Variants in MALRD1 observed in about 807,000 individuals in gnomAD.
MALRD1 encodes the protein MAM and LDL receptor class A domain containing 1, also known as MAM and LDL-receptor class A domain-containing protein 1.
A neutral mutation model predicts 242.1 loss-of-function variants in MALRD1; 247 were observed. That is an observed-to-expected ratio of 1.02 (90% CI 0.92 to 1.13). The LOEUF is 1.13. MALRD1 is among the 50% of genes most tolerant of loss of function. The probability of loss-of-function intolerance (pLI) is 0.00; values close to 1 mark genes in which losing one functional copy is unlikely to be tolerated. For synonymous variants in MALRD1, 995 were observed against 866.6 expected, an observed-to-expected ratio of 1.15 and a Z score of -2.60; for missense variants, 2,989 against 2,533.1, an observed-to-expected ratio of 1.18 and a Z score of -3.86.
intron 34 of MALRD1, among the ~76,000 whole-genome samples, chr10:19,599,456 A>G (rs1295079321): frequency 6.6e-6 from 1 of 152,148 alleles, no homozygotes; most frequent in Non-Finnish European, 1.5e-5. Context: ...AAAGAAAAGA[A>G]AAAGAAAAAG....
intron 28 of MALRD1, among the ~76,000 whole-genome samples, chr10:19,428,167 G>A (rs185282022): frequency 6.6e-6 from 1 of 151,750 alleles, no homozygotes; most frequent in African/African-American, 2.4e-5. Flanking sequence ...GGGAGGTGAG[G>A]CGTTGGCAAT....
intron 36 of MALRD1, among the ~76,000 whole-genome samples, chr10:19,676,894 C>T (rs761713899): frequency 2.6e-5 from 4 of 152,176 alleles, no homozygotes; most frequent in Non-Finnish European, 4.4e-5. Context: ...TCAGCTTCCA[C>T]TTATAAGTGA....
intron 31 of MALRD1, among the ~76,000 whole-genome samples, chr10:19,515,377 T>G (rs1192923582): frequency 6.6e-6 from 1 of 152,100 alleles, no homozygotes; most frequent in Non-Finnish European, 1.5e-5. Context: ...ATAGTACACT[T>G]TTTTTGGTAT....
chr10:19,238,420 ATACAT>A (rs1838533204), intron 18 of MALRD1, among the ~76,000 whole-genome samples: 1 of 76,936 alleles, frequency 1.3e-5, no homozygotes, highest in Non-Finnish European at 2.3e-5. Flanking sequence ...AATATATAAT[ATACAT>A]TATATATAAT....
chr10:19,167,306 C>T (rs897027959), intron 13 of MALRD1, among the ~76,000 whole-genome samples: 4 of 152,170 alleles, frequency 2.6e-5, no homozygotes, highest in Non-Finnish European at 5.9e-5. Flanking sequence ...TTGCAGTGAG[C>T]TGACATGGCG....
chr10:19,459,869 A>G (rs1355666485), intron 29 of MALRD1, among the ~76,000 whole-genome samples: 1 of 151,712 alleles, frequency 6.6e-6, no homozygotes, highest in East Asian at 1.9e-4. Flanking sequence ...CATTATTAAG[A>G]AAAAATAATT....
chr10:19,216,956 AAAT>A (rs774129045), intron 18 of MALRD1, among the ~76,000 whole-genome samples: 7,417 of 117,718 alleles, frequency 0.063, 261 homozygotes, highest in Middle Eastern at 0.11. Context: ...AAAAAAAAAA[AAAT>A]AAAAATAAAA....
intron 31 of MALRD1, among the ~76,000 whole-genome samples, chr10:19,515,427 G>C (rs1411938652): frequency 6.6e-6 from 1 of 151,904 alleles, no homozygotes; most frequent in Non-Finnish European, 1.5e-5. Context: ...ACCATCTTTA[G>C]TCCTGTAATG....
intron 36 of MALRD1, among the ~76,000 whole-genome samples, chr10:19,689,257 C>T (rs149122428): frequency 1.4e-4 from 21 of 151,808 alleles, no homozygotes; most frequent in Non-Finnish European, 2.5e-4. Context: ...TGTATCTGTA[C>T]GTGTGTGTGT....
intron 39 of MALRD1, among the ~76,000 whole-genome samples, chr10:19,732,119 CAG>C (rs1300860297): frequency 6.6e-6 from 1 of 151,820 alleles, no homozygotes; most frequent in Non-Finnish European, 1.5e-5. Context: ...TAAATCAAGA[CAG>C]AGTAAAAATG....
chr10:19,688,662 A>T (rs1312927652), intron 36 of MALRD1, among the ~76,000 whole-genome samples: 1 of 152,172 alleles, frequency 6.6e-6, no homozygotes, highest in Non-Finnish European at 1.5e-5. Flanking sequence ...CTTCCAGCCC[A>T]CAGTACTCAG....
At chr10:19,071,597 G>A (rs1055338734) in intron 2 of MALRD1, among the ~76,000 whole-genome samples, 6 of 151,990 alleles carry the variant, frequency 3.9e-5, no homozygotes, top group Admixed American at 3.9e-4. Flanking sequence ...TTTTTCTAAC[G>A]TAATCATTAT....
Position 19,176,690 on chromosome 10 carries a change from A to G in MALRD1, c.1951+1362A>G, listed in dbSNP as rs1393867111. 2.0e-5 allele frequency among the ~76,000 whole-genome samples: 3 copies of G among 152,102 alleles called. No homozygotes were observed. The East Asian group carries it at 5.8e-4, about 30-fold the overall frequency. On this transcript the variant is annotated intron_variant, in intron 14 of 39. Transcript: ENST00000454679. ...CGCCCGGCCCTGGGTGCTAATTTAT[A>G]TTGGGTTAACGTGTATTTACTTTAT...
At chr10:19,696,036 G>A (rs141483188) in intron 38 of MALRD1, among the ~76,000 whole-genome samples, 1 of 152,298 alleles carries the variant, frequency 6.6e-6, no homozygotes, top group East Asian at 1.9e-4. Flanking sequence ...AGACACAGCT[G>A]AACCATATCA....
chr10:19,564,148 A>G (rs2131450693), intron 32 of MALRD1, among the ~76,000 whole-genome samples: 1 of 152,256 alleles, frequency 6.6e-6, no homozygotes, highest in East Asian at 1.9e-4. Context: ...AAATGCATGC[A>G]TGGCTTAATA....
At chr10:19,470,035 A>G (rs1589127304) in intron 29 of MALRD1, among the ~76,000 whole-genome samples, 1 of 151,980 alleles carries the variant, frequency 6.6e-6, no homozygotes, top group Non-Finnish European at 1.5e-5. Context: ...GCACTATACA[A>G]TATAGGGCAA....
intron 28 of MALRD1, among the ~76,000 whole-genome samples, chr10:19,432,915 A>C (rs1282603500): frequency 6.6e-6 from 1 of 152,216 alleles, no homozygotes; most frequent in Admixed American, 6.5e-5. Context: ...CTTTATAATA[A>C]ACACATTTTA....
At chr10:19,467,373 ACACAG>A (rs1836269130) in intron 29 of MALRD1, among the ~76,000 whole-genome samples, 1 of 102,412 alleles carries the variant, frequency 9.8e-6, no homozygotes, top group East Asian at 4.0e-4. Flanking sequence ...AGCCTGGGCA[ACACAG>A]CGAGACTCCG....
intron 19 of MALRD1, among the ~76,000 whole-genome samples, chr10:19,260,688 G>C (rs1395625281): frequency 6.6e-6 from 1 of 152,120 alleles, no homozygotes; most frequent in Non-Finnish European, 1.5e-5. Context: ...GTCTAGAAGA[G>C]TGCCTGGTCC....
Sources: allele counts gnomAD v4.1 joint callset (sites outside exome capture counted in the v4.1 genomes callset), GRCh38; gene constraint gnomAD v4.1.1; transcripts MANE v1.5; gene names NCBI Gene and HGNC (gene_info 2026-07-23, HGNC 2026-07-21).